Variants in PTPRS observed in about 807,000 individuals in gnomAD.
The protein encoded by PTPRS is protein tyrosine phosphatase receptor type S.
Under a neutral mutation model 215.3 loss-of-function variants are expected in PTPRS, and 63 were observed. That is an observed-to-expected ratio of 0.29 (90% CI 0.24 to 0.36). The LOEUF is 0.36. Among genes scored for constraint, PTPRS ranks in the 10% least tolerant of loss-of-function variants. PTPRS has a pLI of 1.00. For synonymous variants in PTPRS, 1,404 were observed against 1,191.4 expected, an observed-to-expected ratio of 1.18 and a Z score of -3.68; for missense variants, 2,258 against 2,825.8, an observed-to-expected ratio of 0.80 and a Z score of 4.56.
rs748826407 is a variant in PTPRS at position 5,211,732 on chromosome 19, T to C, written c.5092A>G (p.Ile1698Val). The C allele has an allele frequency of 6.2e-7, 1 of 1,614,020 alleles. No homozygotes were observed. The highest frequency in any genetic ancestry group is 2.2e-5 in the East Asian group (1 of 44,878). ...ANSKAHTSRF[I>V]SANLPCNKFK... ...TTGTTACAAGGCAGATTGGCACTGA[T>C]GAAGCGTGACGTGTGGGCCTTGGAG... is the stretch of plus-strand genomic sequence containing the variant. The change falls in exon 33 of 38, where the codon ATC (isoleucine) becomes GTC (valine). Residue 1698 changes from isoleucine (I) to valine (V), a missense_variant. By Grantham distance (29) the Ile-to-Val change is conservative (BLOSUM62 3). Transcript: ENST00000262963.
Position 5,315,914 on chromosome 19 carries a change from C to T in PTPRS, c.-95+24750G>A, listed in dbSNP as rs777573870. Among the ~76,000 whole-genome samples, 34 of 151,644 alleles carry T rather than the reference C, an allele frequency of 2.2e-4. 1 individual carries two copies. Among genetic ancestry groups the T allele is most frequent in the African/African-American group, 6.1e-4 (25 of 41,248 alleles). The stretch of plus-strand genomic sequence containing the variant: ...CTGCGTAGCTGGGACCACAGCTGTA[C>T]GCCATTACACCTAGTTAATTTTTTA... On this transcript the variant is annotated intron_variant, in intron 1 of 37. Coordinates refer to ENST00000262963, the MANE Select transcript of PTPRS (RefSeq NM_002850.4).
At chr19:5,213,960 G>A (rs1293513135) in intron 30 of PTPRS, among the ~76,000 whole-genome samples, 2 of 152,216 alleles carry the variant, frequency 1.3e-5, no homozygotes, top group Non-Finnish European at 2.9e-5. Context: ...TGACTTTGCA[G>A]GGCTGCCAAT....
chr19:5,211,422 G>T (rs146317619), intron 33 of PTPRS, among the ~76,000 whole-genome samples, 168 bp downstream of exon 33: 118 of 152,270 alleles, frequency 7.7e-4, no homozygotes, highest in African/African-American at 2.7e-3. Context: ...CACACCCAAA[G>T]ATTCACGGAC....
chr19:5,294,956 C>G lies in PTPRS; in HGVS notation c.-94-8722G>C, dbSNP rs746524305. 2.0e-5 allele frequency among the ~76,000 whole-genome samples: 3 copies of G among 152,178 alleles called. No individual in the cohort carries two copies. The highest frequency in any genetic ancestry group is 6.5e-5 in the Admixed American group (1 of 15,270). On this transcript the variant is annotated intron_variant, in intron 1 of 37. Transcript: ENST00000262963. The surrounding 1 kb of genome is among the most constrained non-coding windows in gnomAD (Gnocchi z 5.1). ...GCTTCATGGAGGAGGCTGCCTGGTG[C>G]CCCAGCATCACCAAAGGCACACAGG...
chr19:5,283,610 G>A (rs957627386), intron 2 of PTPRS, among the ~76,000 whole-genome samples: 13 of 152,196 alleles, frequency 8.5e-5, no homozygotes, highest in African/African-American at 3.1e-4. Context: ...GAACTGAAAG[G>A]GGTCAGTACT....
intron 13 of PTPRS, among the ~76,000 whole-genome samples, chr19:5,232,717 G>A (rs955119415): frequency 6.6e-6 from 1 of 151,616 alleles, no homozygotes; most frequent in Non-Finnish European, 1.5e-5. Context: ...CCATGCCAAG[G>A]GGAATAGCCA....
Position 5,257,544 on chromosome 19 carries a change from AG to A in PTPRS, c.706+472del. On this transcript the variant is annotated intron_variant, in intron 8 of 37. Transcript: ENST00000262963. This position sits in a 1 kb window ranked among gnomAD's most constrained non-coding sequence, Gnocchi z 4.4. ...ACTTCTAGATTGAGGGCCCTGGATT[AG>A]GGGGGGCAGTGAAGCGGGGAGCTAC... 2 of 438,748 alleles carry A rather than the reference AG, an allele frequency of 4.6e-6. No individual in the cohort carries two copies. Among genetic ancestry groups the A allele is most frequent in the Non-Finnish European group, 9.2e-6 (2 of 218,168 alleles). The allele number at this position is 438,748 out of a possible 1,614,324, so 27.2% of individuals were successfully genotyped here. A position where few individuals can be genotyped will look rare whatever the true frequency, so the allele number is the denominator to read the frequency against.
intron 1 of PTPRS, among the ~76,000 whole-genome samples, chr19:5,311,069 G>A (rs949981639): frequency 7.2e-5 from 11 of 152,052 alleles, no homozygotes; most frequent in Admixed American, 2.6e-4. Context: ...AAGTAGAGAC[G>A]GGGTTTTACC....
Position 5,294,887 on chromosome 19 carries a change from C to T in PTPRS, c.-94-8653G>A, listed in dbSNP as rs554519781. Among the ~76,000 whole-genome samples, 112 of 152,150 alleles carry T rather than the reference C, an allele frequency of 7.4e-4. No individual in the cohort carries two copies. The highest frequency in any genetic ancestry group is 8.2e-4 in the Non-Finnish European group (56 of 68,020). ...GCTAAACACAGGATGCCGTGACGTC[C>T]CCCGTCCCACGCAGCCCCATCCTCG... On this transcript the variant is annotated intron_variant, in intron 1 of 37. Transcript: ENST00000262963. The surrounding 1 kb of genome is among the most constrained non-coding windows in gnomAD (Gnocchi z 5.1).
At position 5,244,309 on chromosome 19, in the gene PTPRS, T is replaced by C; in HGVS notation, c.1162A>G (p.Ser388Gly). The change falls in exon 11 of 38, where the codon AGC becomes GGC. Residue 388 changes from serine to glycine, a missense_variant. Transcript: ENST00000262963. The surrounding 1 kb of genome is among the most constrained non-coding windows in gnomAD (Gnocchi z 7.2). ...GAGTTGGGGCTCAGGCCGCCGATGC[T>C]GTAACGTGTGGTGGTGATGTCCTCT... The part of the protein sequence containing the change: ...IKEDITTTRY[S>G]IGGLSPNSEY... 1 of 1,614,242 alleles carries C rather than the reference T, an allele frequency of 6.2e-7. No homozygotes were observed. Among genetic ancestry groups the C allele is most frequent in the Non-Finnish European group, 8.5e-7 (1 of 1,180,038 alleles).
At chr19:5,235,923 T>C (rs1006044446) in intron 13 of PTPRS, among the ~76,000 whole-genome samples, 1 of 152,236 alleles carries the variant, frequency 6.6e-6, no homozygotes, top group African/African-American at 2.4e-5. Context: ...CTGAGGGCAT[T>C]AGTGATAATA....
Position 5,219,390 on chromosome 19 carries a change from C to T in PTPRS, c.3843G>A (p.Glu1281=). The change falls in exon 23 of 38, where the codon GAG becomes GAA. Residue 1281 remains glutamate (E), a synonymous_variant. Coordinates refer to ENST00000262963, the MANE Select transcript of PTPRS (RefSeq NM_002850.4). ...CAGGCCCGATCACCCAGATAAGCCC[C>T]TCCTCGCCATCCACGATGGGCTGGG... The part of the protein sequence containing the change: ...PDPQPIVDGE[E]GLIWVIGPVL... The T allele has an allele frequency of 6.2e-7, 1 of 1,613,812 alleles. No homozygotes were observed. The highest frequency in any genetic ancestry group is 8.5e-7 in the Non-Finnish European group (1 of 1,179,878).
chr19:5,219,015 G>T (rs1261453483), intron 23 of PTPRS: 5 of 633,632 alleles, frequency 7.9e-6, no homozygotes, highest in Non-Finnish European at 1.4e-5. Flanking sequence ...TGCCCCATGG[G>T]GCCACTACAA....
At chr19:5,303,463 C>T (rs935682828) in intron 1 of PTPRS, among the ~76,000 whole-genome samples, 1 of 152,142 alleles carries the variant, frequency 6.6e-6, no homozygotes, top group Non-Finnish European at 1.5e-5. Context: ...AGGCAGATAA[C>T]CTCTCAGGGC....
chr19:5,222,633 TG>T, intron 18 of PTPRS, 55 bp downstream of exon 18: 1 of 468,610 alleles, frequency 2.1e-6, no homozygotes, highest in Non-Finnish European at 2.8e-6. Context: ...GGGGCTGGGG[TG>T]GGGGTGGGCG....
intron 7 of PTPRS, among the ~76,000 whole-genome samples, chr19:5,260,002 C>T (rs958571158): frequency 6.6e-6 from 1 of 152,038 alleles, no homozygotes; most frequent in Admixed American, 6.6e-5. Context: ...ACTGATTCTT[C>T]CCCAGGTTCC....
chr19:5,208,295 G>C lies in PTPRS; in HGVS notation c.5584C>G (p.Gln1862Glu). 6.2e-7 allele frequency: 1 copy of C among 1,613,906 alleles called. No individual in the cohort carries two copies. Among genetic ancestry groups the C allele is most frequent in the Non-Finnish European group, 8.5e-7 (1 of 1,179,878 alleles). ...AACTGCTCCTTAGTCTTATGCACTTGGCCAATGAAGTCGATGAAGCCCTCC... is the reference window on the plus strand; with the variant it reads ...AACTGCTCCTTAGTCTTATGCACTTCGCCAATGAAGTCGATGAAGCCCTCC... Reference protein sequence around the residue: ...SGEGFIDFIGQVHKTKEQFGQ... With the variant: ...SGEGFIDFIGEVHKTKEQFGQ... Residue 1862 changes from glutamine to glutamate, a missense_variant, in exon 36 of 38, where the codon CAA becomes GAA. By Grantham distance (29) the Gln-to-Glu change is conservative (BLOSUM62 2). Coordinates refer to ENST00000262963, the MANE Select transcript of PTPRS (RefSeq NM_002850.4).
At chr19:5,235,514 G>A (rs369727349) in intron 13 of PTPRS, among the ~76,000 whole-genome samples, 1 of 152,080 alleles carries the variant, frequency 6.6e-6, no homozygotes, top group South Asian at 2.1e-4. Context: ...CATCTACTAC[G>A]TGCCTCACAC....
chr19:5,228,510 T>C (rs995108262), intron 16 of PTPRS, among the ~76,000 whole-genome samples: 1 of 151,838 alleles, frequency 6.6e-6, no homozygotes, highest in Non-Finnish European at 1.5e-5. Flanking sequence ...CACACCAGGC[T>C]GTTTCGTATT....
Sources: gnomAD v4.1 joint callset for allele counts (sites outside exome capture counted in the v4.1 genomes callset) on GRCh38, gnomAD v4.1.1 for gene constraint, Gnocchi (gnomAD v3.1) non-coding constraint, MANE v1.5 for transcripts, NCBI Gene and HGNC (gene_info 2026-07-23, HGNC 2026-07-21) for gene names.